ADGRG6: variants seen among roughly 807,000 people sequenced by gnomAD.
ADGRG6 encodes the protein G-protein coupled receptor 126.
In ADGRG6, 84 loss-of-function variants were observed where a neutral mutation model predicts 142.4. That is an observed-to-expected ratio of 0.59 (90% CI 0.49 to 0.71). The LOEUF is 0.71. Among genes scored for constraint, ADGRG6 ranks in the 30% least tolerant of loss-of-function variants. The pLI is 0.00. For missense variants in ADGRG6, 1,367 were observed against 1,466.6 expected (o/e 0.93, Z 1.11); for synonymous variants, 521 against 520.5 (o/e 1.00, Z -0.01).
At position 142,370,733 on chromosome 6, in the gene ADGRG6, C is replaced by T; in HGVS notation, c.1009C>T (p.Gln337Ter). 6.2e-7 allele frequency: 1 copy of T among 1,613,330 alleles called. No individual in the cohort carries two copies. The highest frequency in any genetic ancestry group is 8.5e-7 in the Non-Finnish European group (1 of 1,179,718). Reference sequence around the variant, plus strand: ...TGTGAAAGGGAATGTAGTCGACTGGCAAAATGACTTCTGGAATATCCCAAA... The same window carrying T: ...TGTGAAAGGGAATGTAGTCGACTGGTAAAATGACTTCTGGAATATCCCAAA... ...CNVKGNVVDW[Q>*]NDFWNIPNLA... is the part of the protein sequence containing the mutation. Residue 337 changes from glutamine to a stop codon, truncating the protein, a stop_gained, in exon 4 of 25, where the codon CAA becomes TAA. Transcript: ENST00000367609. LOFTEE classifies it high-confidence loss of function.
intron 2 of ADGRG6, among the ~76,000 whole-genome samples, chr6:142,354,314 C>T (rs931407994): frequency 2.0e-5 from 3 of 152,010 alleles, no homozygotes; most frequent in African/African-American, 2.4e-5. Context: ...ACTTGGGAGG[C>T]GGAGGTTGCA....
intron 2 of ADGRG6, among the ~76,000 whole-genome samples, chr6:142,341,441 T>TATA (rs1554235557): frequency 1.7e-5 from 2 of 115,640 alleles, no homozygotes; most frequent in South Asian, 4.5e-4. Context: ...TATATAATTA[T>TATA]ATATATAGTA....
Position 142,437,638 on chromosome 6 carries a change from T to C in ADGRG6, c.3421+103T>C. 4.3e-6 allele frequency: 3 copies of C among 699,272 alleles called. No homozygotes were observed. The South Asian group carries it at 4.6e-5, about 11-fold the overall frequency. The allele number at this position is 699,272 out of a possible 1,614,324, so 43.3% of individuals were successfully genotyped here. On this transcript the variant is annotated intron_variant, in intron 23 of 24. Coordinates refer to ENST00000367609, the MANE Select transcript of ADGRG6 (RefSeq NM_198569.3). Reference sequence around the variant, plus strand: ...ACCCAGTCCCAGTGGTAGCAAGCTATTGAAGTGGAGCATGTGAAGATGCGT... The same window carrying C: ...ACCCAGTCCCAGTGGTAGCAAGCTACTGAAGTGGAGCATGTGAAGATGCGT...
chr6:142,420,125 A>G, intron 22 of ADGRG6, 21 bp downstream of exon 22: 4 of 1,581,724 alleles, frequency 2.5e-6, no homozygotes, highest in Non-Finnish European at 3.5e-6. Flanking sequence ...TTGTACATGA[A>G]TAGTCTCTGC....
intron 9 of ADGRG6, among the ~76,000 whole-genome samples, chr6:142,395,123 T>G (rs1468530040): frequency 1.3e-5 from 2 of 152,174 alleles, no homozygotes; most frequent in Non-Finnish European, 2.9e-5. Context: ...AAAGTTATAT[T>G]GAAAGATGTC....
At chr6:142,364,384 A>G (rs1780855368) in intron 2 of ADGRG6, among the ~76,000 whole-genome samples, 1 of 152,200 alleles carries the variant, frequency 6.6e-6, no homozygotes, top group Non-Finnish European at 1.5e-5. Flanking sequence ...AATTCATGTT[A>G]TGAGTGTCAT....
chr6:142,353,260 T>C (rs551193331), intron 2 of ADGRG6, among the ~76,000 whole-genome samples: 1 of 152,300 alleles, frequency 6.6e-6, no homozygotes, highest in African/African-American at 2.4e-5. Flanking sequence ...ATAAATTTTA[T>C]TTTACTTCTT....
chr6:142,384,689 C>T (rs1253302665), intron 6 of ADGRG6, among the ~76,000 whole-genome samples: 3 of 152,060 alleles, frequency 2.0e-5, no homozygotes, highest in African/African-American at 7.2e-5. Flanking sequence ...TTTCTAAACT[C>T]CAGTCATTTA....
rs1777264136 is a variant in ADGRG6 at position 142,302,341 on chromosome 6, A to G, written c.2+10A>G. On this transcript the variant is annotated intron_variant, in intron 1 of 24. Transcript: ENST00000367609. ...GCAGTAATGTCAACATGTAAGTCTC[A>G]CCTTTCAGCTTGGAATTCCTTCACT... The G allele has an allele frequency of 6.2e-7, 1 of 1,611,964 alleles. No homozygotes were observed. Among genetic ancestry groups the G allele is most frequent in the African/African-American group, 1.3e-5 (1 of 74,852 alleles).
chr6:142,418,124 A>G (rs1037091240), intron 21 of ADGRG6, among the ~76,000 whole-genome samples: 1 of 151,782 alleles, frequency 6.6e-6, no homozygotes, highest in Non-Finnish European at 1.5e-5. Flanking sequence ...GCGAAACCCC[A>G]TCTCTATTAA....
chr6:142,367,380 C>T (rs1313877087), intron 2 of ADGRG6, among the ~76,000 whole-genome samples, 189 bp from the exon 3 acceptor site: 1 of 152,100 alleles, frequency 6.6e-6, no homozygotes, highest in Non-Finnish European at 1.5e-5. Context: ...TTCTCTTTTA[C>T]TTTTTGTTGC....
rs765678484 is a variant in ADGRG6, at chr6:142,403,986, T to G, written c.2127+13T>G. 4 of 1,582,092 alleles carry G rather than the reference T, an allele frequency of 2.5e-6. No individual in the cohort carries two copies. The highest frequency in any genetic ancestry group is 3.5e-6 in the Non-Finnish European group (4 of 1,153,852). ...ATCGTATTTCCAGGTAATGAGCCAGTGGTTTCTTTCATTTTAATTAATTAG... is the reference window on the plus strand; with the variant it reads ...ATCGTATTTCCAGGTAATGAGCCAGGGGTTTCTTTCATTTTAATTAATTAG... On this transcript the variant is annotated intron_variant, in intron 14 of 24. Transcript: ENST00000367609.
chr6:142,402,652 A>G lies in ADGRG6; in HGVS notation c.1777A>G (p.Asn593Asp), dbSNP rs909775310. Residue 593 changes from asparagine to aspartate, a missense_variant, in exon 13 of 25, where the codon AAT becomes GAT. Transcript: ENST00000367609. ...AAATGAAGTTGCTAACCAGATTTTA[A>G]ATTTAACTGCTGATGGGCAGAACTT... is the stretch of plus-strand genomic sequence containing the variant. Reference protein sequence around the residue: ...EANEVANQILNLTADGQNLTS... With the variant: ...EANEVANQILDLTADGQNLTS... 2 of 1,605,070 alleles carry G rather than the reference A, an allele frequency of 1.2e-6. No homozygotes were observed. Among genetic ancestry groups the G allele is most frequent in the Non-Finnish European group, 8.5e-7 (1 of 1,174,060 alleles).
intron 5 of ADGRG6, among the ~76,000 whole-genome samples, chr6:142,382,532 C>T (rs1040525): frequency 0.41 from 61,989 of 151,964 alleles, 14,793 homozygotes; most frequent in African/African-American, 0.67. Flanking sequence ...TTAATTATTA[C>T]GATGCTTACT....
rs1471385082 is a variant in ADGRG6 at position 142,370,583 on chromosome 6, G to C, written c.859G>C (p.Gly287Arg). 2 of 1,612,232 alleles carry C rather than the reference G, an allele frequency of 1.2e-6. No homozygotes were observed. The highest frequency in any genetic ancestry group is 2.7e-5 in the African/African-American group (2 of 74,842). The change falls in exon 4 of 25, where the codon GGG (glycine) becomes CGG (arginine). Residue 287 changes from glycine (G) to arginine (R), a missense_variant. Physicochemically the swap from Gly to Arg is moderately radical, Grantham distance 125. Around this residue, in one of 3 missense-constraint regions of ADGRG6, gnomAD observed 737 missense variants for 746.5 expected, o/e 0.99. Transcript: ENST00000367609. ...TTCTACCATTAGTAAAGTTATTCCT[G>C]GGAATGGGAAATTGTTGTTGGGCTC... ...CDSTISKVIP[G>R]NGKLLLGSNQ... is the part of the protein sequence containing the mutation.
intron 2 of ADGRG6, among the ~76,000 whole-genome samples, chr6:142,341,391 TTATATTATATAA>T (rs1268467535): frequency 2.4e-5 from 3 of 124,290 alleles, no homozygotes; most frequent in South Asian, 4.4e-4. Context: ...ATACTATATA[TTATATTATATAA>T]TATATTATAT....
intron 22 of ADGRG6, among the ~76,000 whole-genome samples, chr6:142,431,896 C>T (rs1777227010): frequency 6.6e-6 from 1 of 152,098 alleles, no homozygotes; most frequent in South Asian, 2.1e-4. Flanking sequence ...GCACTCCAGC[C>T]TGGGCGACAG....
Position 142,302,177 on chromosome 6 carries a change from A to G in ADGRG6, c.-153A>G, listed in dbSNP as rs2114461906. On this transcript the variant is annotated 5_prime_UTR_variant, in exon 1 of 25. The change abolishes an upstream ATG in the 5' untranslated region. Transcript: ENST00000367609. ...TCACCTTGCGCCGTCGGGAAAGCCC[A>G]TGAACTCTCCAGAAACGGCGTAAAG... is the stretch of plus-strand genomic sequence containing the variant. 5.1e-6 allele frequency: 4 copies of G among 785,804 alleles called. No individual in the cohort carries two copies. Among genetic ancestry groups the G allele is most frequent in the East Asian group, 2.9e-5 (1 of 34,976 alleles). 48.7% of individuals were successfully genotyped at this position (785,804 alleles called of 1,614,324 possible).
chr6:142,325,757 A>T lies in ADGRG6; in HGVS notation c.103+16113A>T, dbSNP rs1778745710. On this transcript the variant is annotated intron_variant, in intron 2 of 24. Coordinates refer to ENST00000367609, the MANE Select transcript of ADGRG6 (RefSeq NM_198569.3). ...AAATGAATATTTGTAGATTTTTTTA[A>T]AAAAGGAGTTATCTTAGAATTAGTG... is the stretch of plus-strand genomic sequence containing the variant. Among the ~76,000 whole-genome samples, 4 of 152,056 alleles carry T rather than the reference A, an allele frequency of 2.6e-5. No individual in the cohort carries two copies. The South Asian group carries it at 8.3e-4, about 31-fold the overall frequency.
Sources: gnomAD v4.1 joint callset for allele counts (sites outside exome capture counted in the v4.1 genomes callset) on GRCh38, gnomAD v4.1.1 for gene constraint, gnomAD v4.1.1 regional missense constraint, MANE v1.5 for transcripts, NCBI Gene and HGNC (gene_info 2026-07-23, HGNC 2026-07-21) for gene names.